Variants in MITD1 observed in about 807,000 individuals in gnomAD.
MITD1 encodes the protein MIT domain-containing protein 1.
In MITD1, 24 loss-of-function variants were observed where a neutral mutation model predicts 34.9. The ratio of observed to expected loss-of-function variants is 0.69; its 90% CI spans 0.50 to 0.97. MITD1 has a LOEUF of 0.97. MITD1 is among the 50% of genes least tolerant of loss of function. The probability of loss-of-function intolerance (pLI) is 0.00; values close to 1 mark genes in which losing one functional copy is unlikely to be tolerated. For missense variants in MITD1, 266 were observed against 294.6 expected, an observed-to-expected ratio of 0.90 and a Z score of 0.71; for synonymous variants, 102 against 101.4, an observed-to-expected ratio of 1.01 and a Z score of -0.04.
chr2:99,167,616 ATGAAGG>A (rs1300815700), downstream of MITD1, among the ~76,000 whole-genome samples: 2 of 152,176 alleles, frequency 1.3e-5, no homozygotes, highest in Non-Finnish European at 2.9e-5. Flanking sequence ...TTATTTTAAC[ATGAAGG>A]TAAAGAGGCC....
chr2:99,165,202 G>C (rs569663797), downstream of MITD1, among the ~76,000 whole-genome samples: 8 of 152,148 alleles, frequency 5.3e-5, no homozygotes, highest in East Asian at 1.5e-3. Context: ...CAAGTAGCTG[G>C]AACTACAGGC....
At chr2:99,174,559 A>G (rs1559180549) in intron 1 of MITD1, among the ~76,000 whole-genome samples, 1 of 151,892 alleles carries the variant, frequency 6.6e-6, no homozygotes, top group Non-Finnish European at 1.5e-5. Context: ...TTTCCTTTCA[A>G]CATCGCTTAT....
downstream of MITD1, among the ~76,000 whole-genome samples, chr2:99,166,738 T>A (rs867894858): frequency 1.8e-4 from 27 of 151,254 alleles, no homozygotes; most frequent in African/African-American, 6.3e-4. Context: ...TGATCTCTCA[T>A]TTTTTTAACT....
At chr2:99,174,744 C>T (rs1293705225) in intron 1 of MITD1, among the ~76,000 whole-genome samples, 1 of 152,198 alleles carries the variant, frequency 6.6e-6, no homozygotes, top group Non-Finnish European at 1.5e-5. Context: ...GCGCCCACCA[C>T]TATGCCTGGC....
intron 1 of MITD1, among the ~76,000 whole-genome samples, chr2:99,179,719 T>C (rs2105233337): frequency 6.6e-6 from 1 of 152,184 alleles, no homozygotes; most frequent in South Asian, 2.1e-4. Flanking sequence ...CGTGCCACCA[T>C]GCCCGGCTAA....
chr2:99,164,026 A>G (rs945964885), intron 7 of MITD1, among the ~76,000 whole-genome samples: 1 of 152,146 alleles, frequency 6.6e-6, no homozygotes, highest in Non-Finnish European at 1.5e-5. Flanking sequence ...TTTAGTCTAA[A>G]CAATTGATTT....
downstream of MITD1, among the ~76,000 whole-genome samples, chr2:99,164,803 TA>T (rs1290758291): frequency 1.3e-5 from 2 of 152,110 alleles, no homozygotes; most frequent in Non-Finnish European, 2.9e-5. Flanking sequence ...TGAGAAAGGT[TA>T]AAAATCCTGA....
rs1233709533 is a variant in MITD1 at position 99,171,221 on chromosome 2, A to G, written c.477+122T>C. The G allele has an allele frequency of 1.2e-5, 9 of 734,598 alleles. No homozygotes were observed. In the East Asian group the frequency reaches 1.5e-4, roughly 12 times the overall value. The allele number at this position is 734,598 out of a possible 1,614,324, so 45.5% of individuals were successfully genotyped here. ...GACATGTTATGCATACTGTTAGATA[A>G]TAAGTTAATTCCCAAGGAAACAAAT... On this transcript the variant is annotated intron_variant, in intron 4 of 6. Transcript: ENST00000289359.
rs1352828980 is a variant in MITD1, at chr2:99,173,931, C to G, written c.237G>C (p.Leu79Phe). 6.2e-7 allele frequency: 1 copy of G among 1,605,544 alleles called. No individual in the cohort carries two copies. Among genetic ancestry groups the G allele is most frequent in the East Asian group, 2.2e-5 (1 of 44,812 alleles). ...CCTCTTTACCTTCTTTTTCTTGGTCCAAGTACTTCTTTATGTTTTCCGCTC... is the reference window on the plus strand; with the variant it reads ...CCTCTTTACCTTCTTTTTCTTGGTCGAAGTACTTCTTTATGTTTTCCGCTC... Reference protein sequence around the residue: ...MDRAENIKKYLDQEKEDGKYH... With the variant: ...MDRAENIKKYFDQEKEDGKYH... Residue 79 changes from leucine to phenylalanine, a missense_variant, in exon 2 of 7, where the codon TTG becomes TTC. Coordinates refer to ENST00000289359, the MANE Select transcript of MITD1 (RefSeq NM_138798.3).
chr2:99,176,717 C>T lies in MITD1; in HGVS notation c.152-2701G>A, dbSNP rs571644151. ...GTGTGTGTTTTAGCTCATCAGCTGT[C>T]GTTAGTGTTAGTGTATTTTACATGT... is the stretch of plus-strand genomic sequence containing the variant. On this transcript the variant is annotated intron_variant, in intron 1 of 6. Coordinates refer to ENST00000289359, the MANE Select transcript of MITD1 (RefSeq NM_138798.3). 2.6e-5 allele frequency among the ~76,000 whole-genome samples: 4 copies of T among 152,172 alleles called. No individual in the cohort carries two copies. In the South Asian group the frequency reaches 6.2e-4, roughly 24 times the overall value.
intron 2 of MITD1, chr2:99,172,496 G>A (rs2093864447): frequency 6.6e-6 from 1 of 152,080 alleles, no homozygotes; most frequent in South Asian, 2.1e-4. Flanking sequence ...CTAAAGACTG[G>A]GATGTCACAG....
chr2:99,167,120 T>C (rs1381052160), downstream of MITD1, among the ~76,000 whole-genome samples: 3 of 151,986 alleles, frequency 2.0e-5, no homozygotes, highest in Non-Finnish European at 4.4e-5. Flanking sequence ...TCTGGACTCT[T>C]TTATTCTATC....
At position 99,169,429 on chromosome 2, in the gene MITD1, T is replaced by C; in HGVS notation, c.696A>G (p.Pro232=). 1 of 1,606,274 alleles carries C rather than the reference T, an allele frequency of 6.2e-7. No homozygotes were observed. Among genetic ancestry groups the C allele is most frequent in the Middle Eastern group, 1.7e-4 (1 of 6,044 alleles). Residue 232 remains proline, a synonymous_variant, in exon 7 of 7, where the codon CCA becomes CCG. Transcript: ENST00000289359. ...SLGYCDFDLR[P]CHETTVDIFH... is the part of the protein sequence containing the mutation. ...AAATGTCTACTGTTGTTTCATGACA[T>C]GGTCTTAAATCAAAATCACAATATC...
exon 8 of MITD1, chr2:99,161,966 C>A: frequency 1.3e-6 from 2 of 1,594,498 alleles, no homozygotes; most frequent in Non-Finnish European, 1.7e-6. Context: ...GCATGCTGAT[C>A]CCATTTTCAA....
downstream of MITD1, among the ~76,000 whole-genome samples, chr2:99,165,889 T>A (rs2105207467): frequency 2.0e-5 from 3 of 152,234 alleles, no homozygotes; most frequent in Middle Eastern, 6.8e-3. Flanking sequence ...GGGGCCTGAA[T>A]TTCTGGGGTA....
chr2:99,173,883 T>C (rs774601456), intron 2 of MITD1, 32 bp downstream of exon 2: 6 of 1,338,718 alleles, frequency 4.5e-6, no homozygotes, highest in Non-Finnish European at 6.5e-6. Flanking sequence ...CACAGTTGTT[T>C]ATGGATGCAT....
downstream of MITD1, chr2:99,161,820 T>A: frequency 1.6e-6 from 1 of 644,316 alleles, no homozygotes; most frequent in Non-Finnish European, 2.6e-6. Flanking sequence ...AAAGACTAAT[T>A]GTAAAGCTAA....
chr2:99,165,074 T>A (rs867544876), downstream of MITD1, among the ~76,000 whole-genome samples: 4 of 129,824 alleles, frequency 3.1e-5, no homozygotes, highest in Admixed American at 7.8e-5. Context: ...ATATATATAG[T>A]CTTATTTTTT....
intron 7 of MITD1, among the ~76,000 whole-genome samples, chr2:99,163,781 C>T (rs1022955306): frequency 6.6e-6 from 1 of 151,732 alleles, no homozygotes; most frequent in Non-Finnish European, 1.5e-5. Flanking sequence ...TTCTTGCCAC[C>T]TCTCCTCATA....
Sources: gnomAD v4.1 joint callset for allele counts (sites outside exome capture counted in the v4.1 genomes callset) on GRCh38, gnomAD v4.1.1 for gene constraint, MANE v1.5 for transcripts, NCBI Gene and HGNC (gene_info 2026-07-23, HGNC 2026-07-21) for gene names.